Variants in OR1J2 observed in about 807,000 individuals in gnomAD.
The protein encoded by OR1J2 is olfactory receptor 1J2.
For missense variants in OR1J2, 304 were observed against 246.1 expected (o/e 1.24, Z -1.57); for synonymous variants, 142 against 99.7 (o/e 1.42, Z -2.52).
the OR1J2 span, chr9:122,519,594 TC>T: frequency 6.2e-7 from 1 of 1,614,108 alleles, no homozygotes; most frequent in Non-Finnish European, 8.5e-7. Context: ...CTGGATCCTC[TC>T]CTGTACCAAT....
chr9:122,509,301 C>G (rs1828588694), upstream of OR1J2, among the ~76,000 whole-genome samples: 1 of 152,104 alleles, frequency 6.6e-6, no homozygotes, highest in South Asian at 2.1e-4. Context: ...CAAGAGGGAG[C>G]TGAAAACTTG....
At chr9:122,536,854 G>A in the OR1J2 span, among the ~76,000 whole-genome samples, 1 of 152,134 alleles carries the variant, frequency 6.6e-6, no homozygotes, top group Admixed American at 6.6e-5. Flanking sequence ...CTTTGTCAAA[G>A]ATCAGTTGGT....
At chr9:122,564,053 T>C in the OR1J2 span, among the ~76,000 whole-genome samples, 5 of 152,194 alleles carry the variant, frequency 3.3e-5, no homozygotes, top group Non-Finnish European at 7.3e-5. Context: ...CTCCTGTCAT[T>C]TCCCAAGGTA....
the OR1J2 span, among the ~76,000 whole-genome samples, chr9:122,559,776 C>T: frequency 6.6e-6 from 1 of 152,120 alleles, no homozygotes; most frequent in South Asian, 2.1e-4. Context: ...TGCCATGTGG[C>T]ACTGAGAAGA....
At chr9:122,447,586 C>G in the OR1J2 span, 2 of 152,064 alleles carry the variant, frequency 1.3e-5, no homozygotes, top group African/African-American at 2.4e-5. Flanking sequence ...AGGAGAGACA[C>G]TAGACTTTCT....
chr9:122,573,714 G>A, the OR1J2 span, among the ~76,000 whole-genome samples: 1 of 152,126 alleles, frequency 6.6e-6, no homozygotes, highest in Non-Finnish European at 1.5e-5. Context: ...TCTCTTGACA[G>A]TGACTTTTGC....
chr9:122,514,166 G>A (rs1218848554), downstream of OR1J2, among the ~76,000 whole-genome samples: 4 of 151,892 alleles, frequency 2.6e-5, no homozygotes, highest in East Asian at 3.9e-4. Flanking sequence ...TTTGACATTC[G>A]TGGGGTGCAT....
chr9:122,481,712 A>G, the OR1J2 span, among the ~76,000 whole-genome samples: 1 of 152,232 alleles, frequency 6.6e-6, no homozygotes, highest in East Asian at 1.9e-4. Context: ...ATTGGCAAGT[A>G]TACGAAGAAA....
At chr9:122,557,523 T>A in the OR1J2 span, among the ~76,000 whole-genome samples, 3,303 of 152,164 alleles carry the variant, frequency 0.022, 114 homozygotes, top group African/African-American at 0.075. Flanking sequence ...GATTTTTAAG[T>A]GTTAGAGTAG....
chr9:122,474,117 A>G, the OR1J2 span, among the ~76,000 whole-genome samples: 7 of 152,188 alleles, frequency 4.6e-5, no homozygotes, highest in Non-Finnish European at 8.8e-5. Context: ...GCCTTTGTTC[A>G]TGGCTCAAAA....
chr9:122,568,155 A>G, the OR1J2 span: 1 of 1,614,198 alleles, frequency 6.2e-7, no homozygotes. Flanking sequence ...ACTGTTGCCC[A>G]AGGCATAGAG....
chr9:122,505,412 CAATT>C, the OR1J2 span, among the ~76,000 whole-genome samples: 1 of 152,080 alleles, frequency 6.6e-6, no homozygotes, highest in African/African-American at 2.4e-5. Flanking sequence ...ACCTATTAAT[CAATT>C]AACCCATTAA....
the OR1J2 span, among the ~76,000 whole-genome samples, chr9:122,498,332 A>C: frequency 9.9e-5 from 15 of 152,260 alleles, no homozygotes; most frequent in East Asian, 2.7e-3. Flanking sequence ...CAAATTTTTA[A>C]AAATTATTTT....
the OR1J2 span, among the ~76,000 whole-genome samples, chr9:122,545,868 A>T: frequency 9.9e-5 from 15 of 152,164 alleles, no homozygotes; most frequent in African/African-American, 3.4e-4. Context: ...ATATTAATAT[A>T]ATAGATGAAT....
the OR1J2 span, among the ~76,000 whole-genome samples, chr9:122,524,937 G>T: frequency 4.6e-5 from 7 of 152,272 alleles, no homozygotes; most frequent in East Asian, 1.3e-3. Context: ...ATAGTCCATT[G>T]CCAGTTCAAA....
At chr9:122,507,513 T>C (rs1222680163), upstream of OR1J2, among the ~76,000 whole-genome samples, 2 of 152,186 alleles carry the variant, frequency 1.3e-5, no homozygotes, top group Non-Finnish European at 2.9e-5. Flanking sequence ...AAGCTACTTA[T>C]GTGAGAACGA....
chr9:122,450,085 G>C, the OR1J2 span, among the ~76,000 whole-genome samples: 1 of 152,088 alleles, frequency 6.6e-6, no homozygotes, highest in Non-Finnish European at 1.5e-5. Flanking sequence ...TTGTAGAAAG[G>C]TTAAATCAAG....
At chr9:122,558,013 C>T in the OR1J2 span, among the ~76,000 whole-genome samples, 1 of 151,622 alleles carries the variant, frequency 6.6e-6, no homozygotes, top group Non-Finnish European at 1.5e-5. Context: ...TCATGGTATT[C>T]CTTTATTATC....
the OR1J2 span, among the ~76,000 whole-genome samples, chr9:122,482,048 A>G: frequency 1.3e-5 from 2 of 152,188 alleles, no homozygotes; most frequent in South Asian, 4.1e-4. Context: ...TGCACAGGAA[A>G]AGAAACAACC....
Sources: allele counts gnomAD v4.1 joint callset (sites outside exome capture counted in the v4.1 genomes callset), GRCh38; gene constraint gnomAD v4.1.1; transcripts MANE v1.5; gene names NCBI Gene and HGNC (gene_info 2026-07-23, HGNC 2026-07-21).